The following KMT2C variants were observed in gnomAD, a reference collection of about 807,000 sequenced individuals.
KMT2C encodes lysine methyltransferase 2C, also known as histone-lysine N-methyltransferase 2C.
In KMT2C, 88 loss-of-function variants were observed where a neutral mutation model predicts 507.9. The ratio of observed to expected loss-of-function variants is 0.17; its 90% CI spans 0.15 to 0.21. The LOEUF (loss-of-function observed/expected upper bound fraction) is 0.21, where lower values mean the gene tolerates loss of function less well. Among genes scored for constraint, KMT2C ranks in the 10% least tolerant of loss-of-function variants. The probability of loss-of-function intolerance (pLI) is 1.00; values close to 1 mark genes in which losing one functional copy is unlikely to be tolerated. For synonymous variants in KMT2C, 2,049 were observed against 2,080.8 expected, an observed-to-expected ratio of 0.98 and a Z score of 0.42; for missense variants, 4,954 against 5,957.8, an observed-to-expected ratio of 0.83 and a Z score of 5.55.
rs1035444058 is a variant in KMT2C, at chr7:152,285,008, A to T, written c.850-11141T>A. ...AAGAAACTGTGAAACTGTTTTCCAA[A>T]GTTAAGAATATATTTCCAACAAGTC... On this transcript the variant is annotated intron_variant, in intron 6 of 58. Transcript: ENST00000262189. Among the ~76,000 whole-genome samples, 5 of 152,368 alleles carry T rather than the reference A, an allele frequency of 3.3e-5. 1 individual carries two copies. Among genetic ancestry groups the T allele is most frequent in the Non-Finnish European group, 1.5e-5 (1 of 68,032 alleles).
chr7:152,146,844 T>A, intron 52 of KMT2C, 109 bp from the exon 53 acceptor site: 1 of 965,708 alleles, frequency 1.0e-6, no homozygotes. Flanking sequence ...TCCAAATAAA[T>A]CCTGTTGGGC....
At chr7:152,425,812 C>G (rs2097810852) in intron 1 of KMT2C, among the ~76,000 whole-genome samples, 1 of 151,984 alleles carries the variant, frequency 6.6e-6, no homozygotes, top group Non-Finnish European at 1.5e-5. Context: ...CTGAGACCAT[C>G]AAGTATGCTG....
At chr7:152,332,975 TC>T (rs1355151905) in intron 2 of KMT2C, among the ~76,000 whole-genome samples, 1 of 151,870 alleles carries the variant, frequency 6.6e-6, no homozygotes, top group Admixed American at 6.6e-5. Flanking sequence ...TCTTCAAACA[TC>T]CTAAAAGTTC....
chr7:152,260,408 C>G (rs2095749286), intron 9 of KMT2C, among the ~76,000 whole-genome samples: 2 of 151,730 alleles, frequency 1.3e-5, no homozygotes, highest in African/African-American at 2.4e-5. Flanking sequence ...AGATCAAGAG[C>G]AAGAACAAAA....
chr7:152,435,575 G>A (rs1423193865), intron 1 of KMT2C, 51 bp downstream of exon 1: 9 of 1,264,506 alleles, frequency 7.1e-6, no homozygotes, highest in Middle Eastern at 2.5e-4. Flanking sequence ...TGACAGCTCC[G>A]GCCCGGCGCC....
At position 152,158,898 on chromosome 7, in the gene KMT2C, A is replaced by G. The variant is rs757336047; in HGVS notation, c.11635T>C (p.Tyr3879His). The change falls in exon 44 of 59, where the codon TAC becomes CAC. Residue 3879 changes from tyrosine (Y) to histidine (H), a missense_variant. Tyr to His is a moderately conservative substitution (Grantham distance 83). This residue lies in a region of KMT2C where 801 missense variants were observed against 751.2 expected (regional missense o/e 1.07). Coordinates refer to ENST00000262189, the MANE Select transcript of KMT2C (RefSeq NM_170606.3). Reference protein sequence around the residue: ...KKDEEEKQAMYSSTDTFTHLK... With the variant: ...KKDEEEKQAMHSSTDTFTHLK... ...TGGGTAAACGTGTCAGTGCTAGAGTACATAGCTTGTTTCTCCTCTTCGTCC... is the reference window on the plus strand; with the variant it reads ...TGGGTAAACGTGTCAGTGCTAGAGTGCATAGCTTGTTTCTCCTCTTCGTCC... 1.2e-6 allele frequency: 2 copies of G among 1,614,206 alleles called. No homozygotes were observed. The highest frequency in any genetic ancestry group is 2.2e-5 in the South Asian group (2 of 91,084).
At chr7:152,364,223 G>A (rs1053135395) in intron 1 of KMT2C, among the ~76,000 whole-genome samples, 3 of 152,102 alleles carry the variant, frequency 2.0e-5, no homozygotes, top group African/African-American at 4.8e-5. Context: ...CCTCATATGC[G>A]CAAGAATGTA....
chr7:152,185,678 T>C (rs2093604415), intron 33 of KMT2C, 47 bp from the exon 34 acceptor site: 3 of 1,357,832 alleles, frequency 2.2e-6, no homozygotes, highest in Non-Finnish European at 3.2e-6. Flanking sequence ...GCCATGCTAA[T>C]GATGTGTTGT....
At chr7:152,201,007 A>G (rs1388297449) in intron 26 of KMT2C, among the ~76,000 whole-genome samples, 2 of 152,208 alleles carry the variant, frequency 1.3e-5, no homozygotes, top group Non-Finnish European at 2.9e-5. Flanking sequence ...TGCTTTTATC[A>G]TTAGAAAAAA....
In KMT2C at chr7:152,238,834, A is replaced by G. The variant is rs1474071007; in HGVS notation, c.2533-8T>C. On this transcript the variant is annotated splice_region_variant and splice_polypyrimidine_tract_variant and intron_variant, in intron 14 of 58. Coordinates refer to ENST00000262189, the MANE Select transcript of KMT2C (RefSeq NM_170606.3). ...ATGGGTACTCCAAGCCCCCTAGGAT[A>G]TGGCAGTTGAGAAAATAGATGTGTA... The G allele has an allele frequency of 3.2e-6, 5 of 1,586,468 alleles. No homozygotes were observed. The highest frequency in any genetic ancestry group is 3.4e-6 in the Non-Finnish European group (4 of 1,170,648).
At chr7:152,253,276 G>T (rs1458354046) in intron 9 of KMT2C, among the ~76,000 whole-genome samples, 1 of 151,874 alleles carries the variant, frequency 6.6e-6, no homozygotes, top group Non-Finnish European at 1.5e-5. Context: ...ACATATAGGT[G>T]GAAGAGATAA....
intron 48 of KMT2C, among the ~76,000 whole-genome samples, chr7:152,153,646 G>A (rs1022445827): frequency 6.6e-5 from 10 of 151,182 alleles, no homozygotes; most frequent in African/African-American, 2.2e-4. Flanking sequence ...AGGATTACTT[G>A]AGCCCAGTAA....
At position 152,181,038 on chromosome 7, in the gene KMT2C, C is replaced by T. The variant is rs2129119555; in HGVS notation, c.6822G>A (p.Gln2274=). 1 of 1,614,148 alleles carries T rather than the reference C, an allele frequency of 6.2e-7. No homozygotes were observed. Among genetic ancestry groups the T allele is most frequent in the Non-Finnish European group, 8.5e-7 (1 of 1,180,030 alleles). ...GACCAGGTCCAGGGGGCCTAGGTGT[C>T]TGGGAACATGTATCAGGTGGCCTTA... ...PLVRPPDTCS[Q]TPRPPGPGLS... Residue 2274 remains glutamine (Q), a synonymous_variant, in exon 36 of 59, where the codon CAG becomes CAA. Transcript: ENST00000262189.
intron 1 of KMT2C, among the ~76,000 whole-genome samples, chr7:152,373,177 G>T (rs1398569154): frequency 6.6e-6 from 1 of 152,096 alleles, no homozygotes; most frequent in Non-Finnish European, 1.5e-5. Flanking sequence ...TATAAATGCA[G>T]TAAGACTTCT....
At chr7:152,361,468 C>A (rs1483860125) in intron 1 of KMT2C, among the ~76,000 whole-genome samples, 1 of 152,008 alleles carries the variant, frequency 6.6e-6, no homozygotes, top group Non-Finnish European at 1.5e-5. Context: ...GAGGCTGAGG[C>A]AGGAGAATGG....
chr7:152,253,514 C>CAAAAAAAAAAAAAAAAAA lies in KMT2C; in HGVS notation c.1300-817_1300-800dup, dbSNP rs71198770. The stretch of plus-strand genomic sequence containing the variant: ...AGAAGGCAAAACACCTCTTTCTCTA[C>CAAAAAAAAAAAAAAAAAA]AAAAAAAAAAAAAAAAAAAAAAAAA... On this transcript the variant is annotated intron_variant, in intron 9 of 58. Coordinates refer to ENST00000262189, the MANE Select transcript of KMT2C (RefSeq NM_170606.3). Among the ~76,000 whole-genome samples the CAAAAAAAAAAAAAAAAAA allele has an allele frequency of 3.5e-4, 14 of 39,516 alleles. 1 individual carries two copies. The highest frequency in any genetic ancestry group is 1.1e-3 in the African/African-American group (14 of 12,820). 25.9% of individuals were successfully genotyped at this position (39,516 alleles called of 152,430 possible).
At chr7:152,304,020 C>G (rs999646602) in intron 6 of KMT2C, among the ~76,000 whole-genome samples, 2 of 151,740 alleles carry the variant, frequency 1.3e-5, no homozygotes, top group Non-Finnish European at 2.9e-5. Context: ...AGAAGACATA[C>G]ATATTCCACT....
chr7:152,185,778 G>C, intron 33 of KMT2C, 147 bp from the exon 34 acceptor site: 1 of 574,164 alleles, frequency 1.7e-6, no homozygotes, highest in Non-Finnish European at 3.0e-6. Flanking sequence ...TTTTTACAAA[G>C]AACAAAGATC....
intron 2 of KMT2C, among the ~76,000 whole-genome samples, chr7:152,355,834 C>T (rs753866730): frequency 2.0e-5 from 3 of 152,034 alleles, no homozygotes; most frequent in Admixed American, 6.5e-5. Context: ...AGGATTTTTG[C>T]TATGATGGAG....
Sources: allele counts gnomAD v4.1 joint callset (sites outside exome capture counted in the v4.1 genomes callset), GRCh38; gene constraint gnomAD v4.1.1; regional missense constraint gnomAD v4.1.1; transcripts MANE v1.5; gene names NCBI Gene and HGNC (gene_info 2026-07-23, HGNC 2026-07-21).